PUM2: variants seen among roughly 807,000 people sequenced by gnomAD.
The protein encoded by PUM2 is pumilio homolog 2.
Under a neutral mutation model 124.5 loss-of-function variants are expected in PUM2, and 57 were observed. The observed-to-expected ratio is 0.46, with a 90% CI of 0.37 to 0.57. The LOEUF (loss-of-function observed/expected upper bound fraction) is 0.57, where lower values mean the gene tolerates loss of function less well. Among genes scored for constraint, PUM2 ranks in the 20% least tolerant of loss-of-function variants. The pLI, the probability that PUM2 is intolerant of heterozygous loss-of-function variation, is 0.00. For synonymous variants in PUM2, 460 were observed against 446.1 expected (o/e 1.03, Z -0.39); for missense variants, 1,065 against 1,290.6 (o/e 0.83, Z 2.68).
intron 2 of PUM2, among the ~76,000 whole-genome samples, chr2:20,323,678 C>T (rs1682943234): frequency 6.6e-6 from 1 of 151,834 alleles, no homozygotes; most frequent in Non-Finnish European, 1.5e-5. Flanking sequence ...GATGAAAACC[C>T]ACTACTTAGG....
chr2:20,300,542 G>A (rs1389197804), intron 7 of PUM2, among the ~76,000 whole-genome samples: 1 of 152,134 alleles, frequency 6.6e-6, no homozygotes, highest in Non-Finnish European at 1.5e-5. Context: ...TATACTTTCT[G>A]TGAAGAAAAT....
intron 10 of PUM2, among the ~76,000 whole-genome samples, chr2:20,283,998 A>G (rs1292696323): frequency 6.6e-6 from 1 of 152,260 alleles, no homozygotes; most frequent in Non-Finnish European, 1.5e-5. Flanking sequence ...CTAGAGTTTA[A>G]TTAAAAATCA....
rs545038366 is a variant in PUM2 at position 20,273,457 on chromosome 2, C to T, written c.1957+5126G>A. Among the ~76,000 whole-genome samples the T allele has an allele frequency of 3.7e-4, 56 of 152,222 alleles. 1 individual carries two copies. The highest frequency in any genetic ancestry group is 1.3e-3 in the African/African-American group (56 of 41,524). On this transcript the variant is annotated intron_variant, in intron 13 of 20. Coordinates refer to ENST00000361078, the MANE Select transcript of PUM2 (RefSeq NM_015317.5). ...AACTAAGTAAATTAACTGGTGAAAA[C>T]TTTCTCAGACATTAGAACCACAATG...
chr2:20,253,696 G>A, intron 20 of PUM2, 126 bp downstream of exon 20: 1 of 875,364 alleles, frequency 1.1e-6, no homozygotes, highest in South Asian at 2.2e-5. Context: ...TCTGCCAAAG[G>A]ATATCCATCG....
At position 20,253,954 on chromosome 2, in the gene PUM2, G is replaced by A. The variant is rs367960155; in HGVS notation, c.2931C>T (p.Asp977=). ...GACCATCATTCTGGCAGCAAACCTC[G>A]TCAATCAGTAAAGCTCTCTCAGCAC... ...ASRAERALLI[D]EVCCQNDGPH... The change falls in exon 20 of 21, where the codon GAC becomes GAT. Residue 977 remains aspartate (D), a synonymous_variant. Transcript: ENST00000361078. The A allele has an allele frequency of 8.1e-6, 13 of 1,613,922 alleles. No individual in the cohort carries two copies. Among genetic ancestry groups the A allele is most frequent in the East Asian group, 2.2e-5 (1 of 44,890 alleles).
intron 1 of PUM2, among the ~76,000 whole-genome samples, chr2:20,348,956 A>T (rs1368455019): frequency 6.6e-6 from 1 of 152,252 alleles, no homozygotes; most frequent in Non-Finnish European, 1.5e-5. Context: ...TTCATAAACA[A>T]GTATGGAATG....
chr2:20,349,896 CTG>C (rs1340596062), intron 1 of PUM2, among the ~76,000 whole-genome samples: 2 of 152,206 alleles, frequency 1.3e-5, no homozygotes, highest in African/African-American at 4.8e-5. Flanking sequence ...TTTTCTCTGG[CTG>C]TGTTTTCAGA....
chr2:20,294,519 C>A lies in PUM2; in HGVS notation c.1010-1G>T. 1.2e-6 allele frequency: 2 copies of A among 1,608,416 alleles called. No homozygotes were observed. The highest frequency in any genetic ancestry group is 1.7e-4 in the Middle Eastern group (1 of 6,040). The stretch of plus-strand genomic sequence containing the variant: ...TACTGAGGTGGAACCACTGCTGGAC[C>A]TAAACCCCACACCCGACCCCCGAAT... On this transcript the variant is annotated splice_acceptor_variant, in intron 8 of 20. Coordinates refer to ENST00000361078, the MANE Select transcript of PUM2 (RefSeq NM_015317.5). LOFTEE classifies it high-confidence loss of function.
chr2:20,273,557 T>A (rs2148750827), intron 13 of PUM2, among the ~76,000 whole-genome samples: 1 of 152,336 alleles, frequency 6.6e-6, no homozygotes, highest in Middle Eastern at 3.4e-3. Context: ...GATCAAGACA[T>A]TTTTATACAG....
intron 13 of PUM2, among the ~76,000 whole-genome samples, chr2:20,265,164 A>T (rs978622067): frequency 6.6e-6 from 1 of 151,882 alleles, no homozygotes; most frequent in African/African-American, 2.4e-5. Context: ...AGGCAGGAGA[A>T]TCGCTTGAAC....
At chr2:20,261,719 G>A (rs1279333107) in intron 14 of PUM2, among the ~76,000 whole-genome samples, 6 of 152,124 alleles carry the variant, frequency 3.9e-5, no homozygotes, top group Non-Finnish European at 8.8e-5. Context: ...GTGTGCATTT[G>A]TGTCTTAGTT....
In PUM2 at chr2:20,312,250, T is replaced by C. The variant is rs1299539463; in HGVS notation, c.334A>G (p.Arg112Gly). 5.6e-6 allele frequency: 9 copies of C among 1,603,410 alleles called. No individual in the cohort carries two copies. The highest frequency in any genetic ancestry group is 6.0e-6 in the Non-Finnish European group (7 of 1,174,304). The change falls in exon 4 of 21, where the codon AGG (arginine) becomes GGG (glycine). Residue 112 changes from arginine (R) to glycine (G), a missense_variant. By Grantham distance (125) the Arg-to-Gly change is moderately radical (BLOSUM62 -2). Transcript: ENST00000361078. ...AAAATACTTACAAAATTTCCCTTCC[T>C]AAATCGAGAATCCAATTTATCAGCA... ...SPADKLDSRF[R>G]KGNFGTRDAE... is the part of the protein sequence containing the mutation.
intron 2 of PUM2, among the ~76,000 whole-genome samples, chr2:20,323,367 G>A (rs955447320): frequency 2.0e-5 from 3 of 149,156 alleles, no homozygotes; most frequent in Admixed American, 1.4e-4. Flanking sequence ...AGAATAACTC[G>A]AACCTGGGAG....
rs749263751 is a variant in PUM2, at chr2:20,254,883, C to G, written c.2850G>C (p.Leu950=). Residue 950 remains leucine, a synonymous_variant, in exon 19 of 21, where the codon CTG becomes CTC. Transcript: ENST00000361078. ...AATACCTGGCAAATTTGTGTTGACT[C>G]AGGGCTAAAACCTTTCCCCTGATTT... ...VSEIRGKVLA[L]SQHKFASNVV... is the part of the protein sequence containing the mutation. 1.9e-6 allele frequency: 3 copies of G among 1,613,598 alleles called. No homozygotes were observed. In the Admixed American group the frequency reaches 5.0e-5, roughly 27 times the overall value.
intron 2 of PUM2, chr2:20,326,360 GGA>G: frequency 7.7e-7 from 1 of 1,304,262 alleles, no homozygotes; most frequent in Non-Finnish European, 1.0e-6. Context: ...GTGGCCCAAA[GGA>G]GAGACTTGGA....
At chr2:20,263,576 C>T in intron 13 of PUM2, 116 bp from the exon 14 acceptor site, 5 of 1,216,912 alleles carry the variant, frequency 4.1e-6, no homozygotes, top group Non-Finnish European at 5.7e-6. Flanking sequence ...CTAATTCCTA[C>T]TTGTTATGAC....
chr2:20,264,703 T>C (rs1465661809), intron 13 of PUM2, among the ~76,000 whole-genome samples: 2 of 152,078 alleles, frequency 1.3e-5, no homozygotes, highest in Admixed American at 6.6e-5. Context: ...GCTATTATTA[T>C]ATGCAAAATC....
intron 19 of PUM2, 60 bp from the exon 20 acceptor site, chr2:20,254,074 T>C: frequency 6.9e-7 from 1 of 1,440,214 alleles, no homozygotes; most frequent in Non-Finnish European, 9.5e-7. Context: ...CAAAATTTCC[T>C]TGACTTATAG....
At position 20,325,557 on chromosome 2, in the gene PUM2, A is replaced by G. The variant is rs982103333; in HGVS notation, c.51+1753T>C. Reference sequence around the variant, plus strand: ...AAAAAACACCAGTTTGAAAACATATATACAATATACATCTAAGAAGTGATA... The same window carrying G: ...AAAAAACACCAGTTTGAAAACATATGTACAATATACATCTAAGAAGTGATA... On this transcript the variant is annotated intron_variant, in intron 2 of 20. Transcript: ENST00000361078. Among the ~76,000 whole-genome samples, 3 of 152,152 alleles carry G rather than the reference A, an allele frequency of 2.0e-5. No homozygotes were observed. In the East Asian group the frequency reaches 5.8e-4, roughly 29 times the overall value.
Sources: allele counts gnomAD v4.1 joint callset (sites outside exome capture counted in the v4.1 genomes callset), GRCh38; gene constraint gnomAD v4.1.1; transcripts MANE v1.5; gene names NCBI Gene and HGNC (gene_info 2026-07-23, HGNC 2026-07-21).